ZNF84: variants seen among roughly 807,000 people sequenced by gnomAD.
ZNF84 encodes the protein zinc finger protein 84.
A neutral mutation model predicts 14.8 loss-of-function variants in ZNF84; 12 were observed. The observed-to-expected ratio is 0.81, with a 90% confidence interval of 0.52 to 1.31. The LOEUF is 1.31. ZNF84 is among the 50% of genes most tolerant of loss of function. The pLI, the probability that ZNF84 is intolerant of heterozygous loss-of-function variation, is 0.00. For missense variants in ZNF84, 859 were observed against 878.6 expected (o/e 0.98, Z 0.28); for synonymous variants, 347 against 291.1 (o/e 1.19, Z -1.96).
intron 4 of ZNF84, among the ~76,000 whole-genome samples, chr12:133,051,297 T>C (rs1290989398): frequency 1.3e-5 from 2 of 152,158 alleles, no homozygotes; most frequent in Non-Finnish European, 2.9e-5. Context: ...AGATGAGATA[T>C]TTGTGTTCTT....
chr12:133,043,242 A>G (rs1440105686), intron 2 of ZNF84, among the ~76,000 whole-genome samples: 7 of 151,822 alleles, frequency 4.6e-5, no homozygotes, highest in Non-Finnish European at 7.4e-5. Flanking sequence ...CAATGGCACA[A>G]TCTCAGCTCA....
intron 2 of ZNF84, among the ~76,000 whole-genome samples, chr12:133,044,913 CA>C (rs1171770033): frequency 4.3e-4 from 59 of 138,490 alleles, no homozygotes; most frequent in Admixed American, 3.6e-4. Context: ...GACTCCATCT[CA>C]AAAAAAAAAA....
At chr12:133,049,838 G>A (rs1954043438) in intron 4 of ZNF84, among the ~76,000 whole-genome samples, 1 of 152,078 alleles carries the variant, frequency 6.6e-6, no homozygotes, top group African/African-American at 2.4e-5. Context: ...TATTGGGAAA[G>A]TATCTTTTTA....
intron 2 of ZNF84, among the ~76,000 whole-genome samples, chr12:133,042,238 C>G (rs1359425393): frequency 6.6e-6 from 1 of 152,092 alleles, no homozygotes; most frequent in Non-Finnish European, 1.5e-5. Flanking sequence ...GCTAGTAATT[C>G]GGATATACCA....
chr12:133,054,773 A>G (rs1348579510), intron 4 of ZNF84, among the ~76,000 whole-genome samples: 1 of 152,080 alleles, frequency 6.6e-6, no homozygotes, highest in African/African-American at 2.4e-5. Flanking sequence ...TTTCTTTTTC[A>G]ATGAATCTTT....
chr12:133,045,335 G>C (rs929731845), intron 2 of ZNF84, among the ~76,000 whole-genome samples: 1 of 152,308 alleles, frequency 6.6e-6, no homozygotes, highest in Admixed American at 6.5e-5. Flanking sequence ...GCTGGGCGTA[G>C]TGGCAGGTGC....
intron 1 of ZNF84, among the ~76,000 whole-genome samples, chr12:133,039,908 A>C (rs1953856936): frequency 6.6e-6 from 1 of 151,100 alleles, no homozygotes; most frequent in Non-Finnish European, 1.5e-5. Flanking sequence ...GCTGGAGTAC[A>C]ATGGCACGGG....
At chr12:133,038,980 T>A (rs1221536078) in intron 1 of ZNF84, 1 of 152,218 alleles carries the variant, frequency 6.6e-6, no homozygotes, top group African/African-American at 2.4e-5. Context: ...AATATCACAA[T>A]AGTTTCCATC....
chr12:133,047,203 C>T (rs1359140727), intron 2 of ZNF84, among the ~76,000 whole-genome samples: 8 of 151,770 alleles, frequency 5.3e-5, no homozygotes, highest in African/African-American at 1.9e-4. Context: ...TTCCAGTTTG[C>T]GTGTCTTCTG....
At position 133,058,987 on chromosome 12, in the gene ZNF84, T is replaced by C. The variant is rs1593715681; in HGVS notation, c.*55T>C. The C allele has an allele frequency of 6.7e-7, 1 of 1,491,774 alleles. No homozygotes were observed. 92.4% of individuals were successfully genotyped at this position (1,491,774 alleles called of 1,614,324 possible). ...TCATCTTGGACTTCAGGAAATGCAA[T>C]TATGATAACGTTTGTAGACAGTCAC... On this transcript the variant is annotated 3_prime_UTR_variant, in exon 5 of 5. Coordinates refer to ENST00000539354, the MANE Select transcript of ZNF84 (RefSeq NM_001289971.2).
Position 133,059,778 on chromosome 12 carries a change from A to G in ZNF84, c.*846A>G, listed in dbSNP as rs941554142. 6 of 152,208 alleles carry G rather than the reference A, an allele frequency of 3.9e-5. No homozygotes were observed. Among genetic ancestry groups the G allele is most frequent in the East Asian group, 1.9e-4 (1 of 5,202 alleles). 9.4% of individuals were successfully genotyped at this position (152,208 alleles called of 1,614,324 possible). On this transcript the variant is annotated 3_prime_UTR_variant, in exon 5 of 5. Coordinates refer to ENST00000539354, the MANE Select transcript of ZNF84 (RefSeq NM_001289971.2). ...GGTTTTTATTTTTTAACAATAATAT[A>G]AAAAATGGAAACTCATGTAACATGA...
chr12:133,047,510 A>AT (rs1350818595), intron 2 of ZNF84: 2 of 153,476 alleles, frequency 1.3e-5, no homozygotes, highest in Non-Finnish European at 1.5e-5. Context: ...GATGCACCTC[A>AT]TTTTTTTCCT....
Position 133,041,287 on chromosome 12 carries a change from C to G in ZNF84, c.-181C>G. On this transcript the variant is annotated 5_prime_UTR_variant, in exon 2 of 5. It adds an upstream start codon to the 5' untranslated region. Coordinates refer to ENST00000539354, the MANE Select transcript of ZNF84 (RefSeq NM_001289971.2). The stretch of plus-strand genomic sequence containing the variant: ...TACATTTCTCCCGAAGTCCACAGAT[C>G]CTGGTCCCTACAAATAAGCCTGCTC... 1 of 619,290 alleles carries G rather than the reference C, an allele frequency of 1.6e-6. No individual in the cohort carries two copies. The highest frequency in any genetic ancestry group is 2.9e-6 in the Non-Finnish European group (1 of 347,362). The allele number at this position is 619,290 out of a possible 1,614,324, so 38.4% of individuals were successfully genotyped here. A position where few individuals can be genotyped will look rare whatever the true frequency, so the allele number is the denominator to read the frequency against.
intron 2 of ZNF84, among the ~76,000 whole-genome samples, chr12:133,043,750 T>C (rs1204745903): frequency 1.3e-5 from 2 of 152,056 alleles, no homozygotes; most frequent in Non-Finnish European, 2.9e-5. Context: ...GAACTTATTT[T>C]TTTAATTTTT....
chr12:133,037,574 G>C (rs1953803101), intron 1 of ZNF84, 29 bp downstream of exon 1: 1 of 152,056 alleles, frequency 6.6e-6, no homozygotes, highest in Non-Finnish European at 1.5e-5. Context: ...TTGCGGGCCC[G>C]GCGCTGGGGG....
chr12:133,058,447 A>G lies in ZNF84; in HGVS notation c.1732A>G (p.Lys578Glu). The G allele has an allele frequency of 1.9e-6, 3 of 1,614,130 alleles. No individual in the cohort carries two copies. Among genetic ancestry groups the G allele is most frequent in the Non-Finnish European group, 2.5e-6 (3 of 1,180,014 alleles). ...EKPYECRDCE[K>E]AFSQKSQLNT... ...ACCGTATGAATGCAGGGACTGTGAA[A>G]AAGCTTTCTCCCAGAAATCACAGCT... Residue 578 changes from lysine to glutamate, a missense_variant, in exon 5 of 5, where the codon AAA becomes GAA. Physicochemically the swap from Lys to Glu is moderately conservative, Grantham distance 56. Transcript: ENST00000539354.
intron 2 of ZNF84, among the ~76,000 whole-genome samples, chr12:133,043,773 A>G (rs1334383278): frequency 6.6e-6 from 1 of 151,752 alleles, no homozygotes; most frequent in African/African-American, 2.4e-5. Context: ...ATTTTTTTTG[A>G]GGCAGAGTCT....
intron 1 of ZNF84, 136 bp from the exon 2 acceptor site, chr12:133,041,142 C>T (rs1683606676): frequency 1.5e-5 from 5 of 344,640 alleles, no homozygotes; most frequent in South Asian, 1.1e-4. Context: ...ATTCTGTTTC[C>T]CTGAGAGTGC....
intron 4 of ZNF84, among the ~76,000 whole-genome samples, chr12:133,049,861 C>T (rs1465988810): frequency 1.3e-5 from 2 of 152,134 alleles, no homozygotes; most frequent in Non-Finnish European, 2.9e-5. Flanking sequence ...GCCTTCCTCC[C>T]TCAACTTCCG....
Sources: allele counts gnomAD v4.1 joint callset (sites outside exome capture counted in the v4.1 genomes callset), GRCh38; gene constraint gnomAD v4.1.1; transcripts MANE v1.5; gene names NCBI Gene and HGNC (gene_info 2026-07-23, HGNC 2026-07-21).